Variants in ERC2 observed in about 807,000 individuals in gnomAD.
ERC2 encodes the protein ERC protein 2.
In ERC2, 42 loss-of-function variants were observed where a neutral mutation model predicts 114.8. The ratio of observed to expected loss-of-function variants is 0.37; its 90% CI spans 0.29 to 0.47. The LOEUF (loss-of-function observed/expected upper bound fraction) is 0.47. ERC2 is among the 20% of genes least tolerant of loss of function. ERC2 has a pLI of 0.99. For missense variants in ERC2, 939 were observed against 1,150.7 expected (o/e 0.82, Z 2.66); for synonymous variants, 454 against 425.5 (o/e 1.07, Z -0.82).
rs2051918880 is a variant in ERC2, at chr3:55,508,924, C to G, written c.*2392G>C. 1 of 152,556 alleles carries G rather than the reference C, an allele frequency of 6.6e-6. No individual in the cohort carries two copies. The highest frequency in any genetic ancestry group is 2.4e-5 in the African/African-American group (1 of 41,406). 9.5% of individuals were successfully genotyped at this position (152,556 alleles called of 1,614,324 possible). Reference sequence around the variant, plus strand: ...AACTATGTTATGATTAGAAGAAAACCTGTTAAAGTTTGCGCAAAGGAAATA... The same window carrying G: ...AACTATGTTATGATTAGAAGAAAACGTGTTAAAGTTTGCGCAAAGGAAATA... On this transcript the variant is annotated 3_prime_UTR_variant, in exon 18 of 18. Coordinates refer to ENST00000288221, the MANE Select transcript of ERC2 (RefSeq NM_015576.3).
chr3:56,076,920 G>C (rs2077003095), intron 7 of ERC2, among the ~76,000 whole-genome samples: 1 of 152,188 alleles, frequency 6.6e-6, no homozygotes, highest in Admixed American at 6.5e-5. Flanking sequence ...ACGTGGCCAG[G>C]AAAGGAGCAT....
chr3:56,405,887 C>CTTTTTTTTTTTTTT (rs72095902), intron 2 of ERC2, among the ~76,000 whole-genome samples: 1 of 85,206 alleles, frequency 1.2e-5, no homozygotes, highest in Non-Finnish European at 2.2e-5. Flanking sequence ...ACTTTTTTTT[C>CTTTTTTTTTTTTTT]TTTTTTTTTT....
At chr3:55,664,878 T>A (rs1053720816) in intron 17 of ERC2, among the ~76,000 whole-genome samples, 3 of 151,792 alleles carry the variant, frequency 2.0e-5, no homozygotes, top group Admixed American at 2.0e-4. Context: ...TAGGTCTGCA[T>A]TTGATGGAGA....
rs2149757411 is a variant in ERC2 at position 56,080,990 on chromosome 3, A to G, written c.1474-6T>C. 1 of 1,611,122 alleles carries G rather than the reference A, an allele frequency of 6.2e-7. No individual in the cohort carries two copies. Among genetic ancestry groups the G allele is most frequent in the East Asian group, 2.2e-5 (1 of 44,776 alleles). On this transcript the variant is annotated splice_region_variant and splice_polypyrimidine_tract_variant and intron_variant, in intron 6 of 17. Coordinates refer to ENST00000288221, the MANE Select transcript of ERC2 (RefSeq NM_015576.3). Reference sequence around the variant, plus strand: ...CGTAATCTCAGCGCATCTACCTGAAATCAGGAAAAAGACAGAAGGTTGTGG... The same window carrying G: ...CGTAATCTCAGCGCATCTACCTGAAGTCAGGAAAAAGACAGAAGGTTGTGG...
At chr3:55,521,074 A>G (rs1021461071) in intron 17 of ERC2, among the ~76,000 whole-genome samples, 2 of 152,250 alleles carry the variant, frequency 1.3e-5, no homozygotes, top group Non-Finnish European at 2.9e-5. Context: ...AATAATGGCA[A>G]TTAGTCTCCA....
chr3:55,811,493 T>C (rs1433247801), intron 14 of ERC2, among the ~76,000 whole-genome samples: 1 of 152,198 alleles, frequency 6.6e-6, no homozygotes, highest in Admixed American at 6.5e-5. Flanking sequence ...CAGTCCATGT[T>C]TTCAGCTCTT....
Position 56,007,185 on chromosome 3 carries a change from T to G in ERC2, c.2057A>C (p.Lys686Thr). Residue 686 changes from lysine to threonine, a missense_variant, in exon 10 of 18, where the codon AAA becomes ACA. By Grantham distance (78) the Lys-to-Thr change is moderately conservative. Transcript: ENST00000288221. ...EECSKLEAQLKKAHNIEDDSR... is the reference protein window; with the variant it reads ...EECSKLEAQLTKAHNIEDDSR... ...TTTTTCTTAGACTTCACTTACCTTT[T>G]TTAACTGTGCTTCCAATTTGCTACA... 6.4e-7 allele frequency: 1 copy of G among 1,561,676 alleles called. No homozygotes were observed. The highest frequency in any genetic ancestry group is 8.7e-7 in the Non-Finnish European group (1 of 1,152,568).
chr3:55,591,401 A>G (rs1414946810), intron 17 of ERC2, among the ~76,000 whole-genome samples: 1 of 152,094 alleles, frequency 6.6e-6, no homozygotes, highest in Non-Finnish European at 1.5e-5. Context: ...CTTGGACATT[A>G]TGGGTGGAAT....
At chr3:56,249,182 A>G (rs142071239) in intron 3 of ERC2, among the ~76,000 whole-genome samples, 193 of 152,358 alleles carry the variant, frequency 1.3e-3, no homozygotes, top group African/African-American at 4.4e-3. Flanking sequence ...AGCTTAGCCC[A>G]CCTCAACCTT....
chr3:55,906,502 T>A (rs1325586871), intron 13 of ERC2, among the ~76,000 whole-genome samples: 4 of 149,334 alleles, frequency 2.7e-5, no homozygotes, highest in Non-Finnish European at 4.4e-5. Flanking sequence ...CACCTGGAAA[T>A]GTATTTGAAT....
chr3:56,013,309 A>T (rs1237450679), intron 8 of ERC2, among the ~76,000 whole-genome samples: 2 of 152,202 alleles, frequency 1.3e-5, no homozygotes, highest in African/African-American at 4.8e-5. Flanking sequence ...GTACTTAAAA[A>T]TTCATGAGTT....
chr3:56,254,058 G>A (rs955973330), intron 3 of ERC2, among the ~76,000 whole-genome samples: 6 of 152,252 alleles, frequency 3.9e-5, no homozygotes, highest in African/African-American at 9.6e-5. Context: ...CCAGACTAAA[G>A]TATTGTCAGT....
chr3:55,687,839 G>T (rs2062413893), intron 16 of ERC2, among the ~76,000 whole-genome samples: 1 of 152,232 alleles, frequency 6.6e-6, no homozygotes, highest in Non-Finnish European at 1.5e-5. Context: ...CTGCAGGCTT[G>T]GCCAGAGCCG....
chr3:55,752,962 G>A (rs2066810669), intron 14 of ERC2, among the ~76,000 whole-genome samples: 1 of 152,160 alleles, frequency 6.6e-6, no homozygotes, highest in Non-Finnish European at 1.5e-5. Context: ...TCTACAACTG[G>A]TGCTCGGATG....
chr3:56,389,039 A>G (rs2060036267), intron 2 of ERC2, among the ~76,000 whole-genome samples: 1 of 152,202 alleles, frequency 6.6e-6, no homozygotes. Context: ...GAGTACAAAA[A>G]TTGTAATGCA....
intron 12 of ERC2, among the ~76,000 whole-genome samples, chr3:55,982,205 G>A (rs1046753546): frequency 3.3e-5 from 5 of 152,168 alleles, no homozygotes; most frequent in Admixed American, 6.5e-5. Flanking sequence ...TCAGAAAACC[G>A]AGGATTGAAC....
At chr3:55,553,705 G>A (rs1437902872) in intron 17 of ERC2, among the ~76,000 whole-genome samples, 2 of 152,016 alleles carry the variant, frequency 1.3e-5, no homozygotes, top group Non-Finnish European at 2.9e-5. Flanking sequence ...GCGTGAACCC[G>A]GGAGGTGGAG....
intron 7 of ERC2, among the ~76,000 whole-genome samples, chr3:56,021,366 T>C (rs1382709065): frequency 1.3e-5 from 2 of 152,128 alleles, no homozygotes; most frequent in Non-Finnish European, 2.9e-5. Flanking sequence ...GTGGGTTTTA[T>C]TATTTTAAAA....
intron 17 of ERC2, among the ~76,000 whole-genome samples, chr3:55,670,284 A>C (rs1018883613): frequency 6.6e-5 from 10 of 152,218 alleles, no homozygotes; most frequent in African/African-American, 2.4e-4. Context: ...GAAAAAAGGG[A>C]AGAACAAAAG....
Sources: gnomAD v4.1 joint callset for allele counts (sites outside exome capture counted in the v4.1 genomes callset) on GRCh38, gnomAD v4.1.1 for gene constraint, MANE v1.5 for transcripts, NCBI Gene and HGNC (gene_info 2026-07-23, HGNC 2026-07-21) for gene names.